The following AXDND1 variants were observed in gnomAD, a reference collection of about 807,000 sequenced individuals.
The protein encoded by AXDND1 is axonemal dynein light chain domain-containing protein 1.
In AXDND1, 110 loss-of-function variants were observed where a neutral mutation model predicts 137.5. That is an observed-to-expected ratio of 0.80 (90% confidence interval 0.69 to 0.94). The LOEUF (loss-of-function observed/expected upper bound fraction) is 0.94, where lower values mean the gene tolerates loss of function less well. AXDND1 is among the 40% of genes least tolerant of loss of function. The pLI is 0.00. For missense variants in AXDND1, 1,191 were observed against 1,169.8 expected (o/e 1.02, Z -0.26); for synonymous variants, 414 against 399.7 (o/e 1.04, Z -0.43).
intron 17 of AXDND1, among the ~76,000 whole-genome samples, chr1:179,470,749 A>T (rs928601703): frequency 6.6e-6 from 1 of 152,112 alleles, no homozygotes; most frequent in Non-Finnish European, 1.5e-5. Context: ...TTTAATCTAG[A>T]TGCCTTTGAT....
intron 21 of AXDND1, among the ~76,000 whole-genome samples, chr1:179,516,603 A>G (rs184884321): frequency 1.3e-5 from 2 of 152,312 alleles, no homozygotes; most frequent in Admixed American, 1.3e-4. Context: ...GGGAAGGTAT[A>G]GAGCTGAAGT....
At chr1:179,528,284 C>G (rs1384416726) in intron 22 of AXDND1, 43 bp from the exon 23 acceptor site, 4 of 1,432,782 alleles carry the variant, frequency 2.8e-6, no homozygotes, top group Non-Finnish European at 3.9e-6. Context: ...TGCTGGGGTG[C>G]TACACCAGCT....
At chr1:179,400,666 G>A (rs1651842574) in intron 11 of AXDND1, among the ~76,000 whole-genome samples, 1 of 151,042 alleles carries the variant, frequency 6.6e-6, no homozygotes, top group Non-Finnish European at 1.5e-5. Flanking sequence ...CACTCTGGGA[G>A]GCCAAGGTGG....
intron 3 of AXDND1, 76 bp downstream of exon 3, chr1:179,369,048 G>A: frequency 7.3e-7 from 1 of 1,363,524 alleles, no homozygotes; most frequent in Admixed American, 2.2e-5. Context: ...TATTTATTAT[G>A]CACATATTAT....
rs756018904 is a variant in AXDND1 at position 179,468,563 on chromosome 1, A to G, written c.1919A>G (p.Asn640Ser). Residue 640 changes from asparagine (N) to serine (S), a missense_variant, in exon 17 of 26, where the codon AAT becomes AGT. Asn to Ser is a conservative substitution (Grantham distance 46). Transcript: ENST00000367618. ...TGGCAGGAAATAGATGAAAAAATTA[A>G]TGAAATGAAATCACACTTGGATATA... is the stretch of plus-strand genomic sequence containing the variant. ...EEWQEIDEKI[N>S]EMKSHLDILL... 6.2e-7 allele frequency: 1 copy of G among 1,613,006 alleles called. No individual in the cohort carries two copies. The highest frequency in any genetic ancestry group is 8.5e-7 in the Non-Finnish European group (1 of 1,179,512).
In AXDND1 at chr1:179,534,847, G is replaced by A. The variant is rs758850607; in HGVS notation, c.2916G>A (p.Lys972=). The A allele has an allele frequency of 1.2e-6, 2 of 1,611,150 alleles. No homozygotes were observed. The highest frequency in any genetic ancestry group is 4.5e-5 in the East Asian group (2 of 44,800). The part of the protein sequence containing the change: ...DLEELVMTSR[K]ESKEEKENQD... ...AGGAATTAGTCATGACATCAAGAAAGGAGTCTAAAGAAGAGAAAGAAAATC... is the reference window on the plus strand; with the variant it reads ...AGGAATTAGTCATGACATCAAGAAAAGAGTCTAAAGAAGAGAAAGAAAATC... Residue 972 remains lysine, a synonymous_variant, in exon 25 of 26, where the codon AAG becomes AAA. Transcript: ENST00000367618.
intron 16 of AXDND1, among the ~76,000 whole-genome samples, chr1:179,463,009 CTCTTT>C (rs1364931546): frequency 2.0e-5 from 3 of 151,990 alleles, no homozygotes; most frequent in Non-Finnish European, 4.4e-5. Flanking sequence ...TGATTCTTCT[CTCTTT>C]TCTTTATTAG....
At position 179,430,465 on chromosome 1, in the gene AXDND1, T is replaced by C. The variant is rs1335547832; in HGVS notation, c.1346T>C (p.Leu449Pro). The C allele has an allele frequency of 6.2e-7, 1 of 1,612,974 alleles. No homozygotes were observed. The highest frequency in any genetic ancestry group is 1.3e-5 in the African/African-American group (1 of 74,970). Residue 449 changes from leucine (L) to proline (P), a missense_variant, in exon 14 of 26, where the codon CTT (leucine) becomes CCT (proline). By Grantham distance (98) the Leu-to-Pro change is moderately conservative (BLOSUM62 -3). Transcript: ENST00000367618. ...ILLSNKDTED[L>P]ALLQKLTQKW... ...CATTTTATATAGGACACTGAAGACC[T>C]TGCACTGTTGCAGAAGTTGACACAA... is the stretch of plus-strand genomic sequence containing the variant.
chr1:179,551,807 G>A (rs1230148366), intron 25 of AXDND1: 1 of 284,214 alleles, frequency 3.5e-6, no homozygotes, highest in Admixed American at 4.8e-5. Context: ...CCCCAACTCA[G>A]GGAAAGTGAA....
intron 15 of AXDND1, among the ~76,000 whole-genome samples, chr1:179,440,571 T>A (rs990919482): frequency 6.6e-6 from 1 of 152,212 alleles, no homozygotes. Context: ...GGCTGTGACA[T>A]AAATGGAACA....
intron 4 of AXDND1, among the ~76,000 whole-genome samples, chr1:179,374,665 G>A (rs1202219024): frequency 6.6e-6 from 1 of 152,154 alleles, no homozygotes; most frequent in Non-Finnish European, 1.5e-5. Context: ...ATGAGTTCAT[G>A]TCGTTTGTAG....
intron 11 of AXDND1, among the ~76,000 whole-genome samples, chr1:179,402,477 G>A (rs548446931): frequency 4.9e-4 from 74 of 152,154 alleles, no homozygotes; most frequent in Non-Finnish European, 7.9e-4. Context: ...TATATATTCC[G>A]TTTTCCCTTT....
chr1:179,553,356 A>C (rs1673599132), intron 25 of AXDND1, among the ~76,000 whole-genome samples: 1 of 152,234 alleles, frequency 6.6e-6, no homozygotes, highest in Non-Finnish European at 1.5e-5. Context: ...GAAACAACCT[A>C]AATGTCCATC....
intron 20 of AXDND1, among the ~76,000 whole-genome samples, chr1:179,504,818 G>T (rs536589364): frequency 5.8e-4 from 88 of 152,270 alleles, no homozygotes; most frequent in African/African-American, 2.1e-3. Context: ...AACTGGGGGA[G>T]TCTTATCAGA....
At chr1:179,487,945 A>G (rs1666259519) in intron 18 of AXDND1, among the ~76,000 whole-genome samples, 2 of 137,334 alleles carry the variant, frequency 1.5e-5, no homozygotes, top group South Asian at 4.4e-4. Context: ...GCACTAAACT[A>G]TGATTGTGCC....
intron 17 of AXDND1, among the ~76,000 whole-genome samples, chr1:179,477,820 C>T (rs1295073084): frequency 6.6e-6 from 1 of 152,222 alleles, no homozygotes; most frequent in African/African-American, 2.4e-5. Context: ...AGGCAAGTTT[C>T]TTCCACCTGT....
At chr1:179,511,123 C>T (rs918218658) in intron 21 of AXDND1, among the ~76,000 whole-genome samples, 2 of 151,728 alleles carry the variant, frequency 1.3e-5, no homozygotes, top group African/African-American at 4.8e-5. Flanking sequence ...GCCGAGATCA[C>T]GCCACTGCAT....
At chr1:179,540,403 T>G (rs541702232) in intron 25 of AXDND1, among the ~76,000 whole-genome samples, 23 of 152,220 alleles carry the variant, frequency 1.5e-4, no homozygotes, top group Non-Finnish European at 2.9e-4. Flanking sequence ...TTTTTTGATG[T>G]TGATGCTATT....
chr1:179,449,176 G>A (rs773858003), intron 16 of AXDND1: 54 of 450,560 alleles, frequency 1.2e-4, no homozygotes, highest in Admixed American at 4.5e-4. Flanking sequence ...ATAATCCACC[G>A]CACCTGGCCT....
Sources: allele counts gnomAD v4.1 joint callset (sites outside exome capture counted in the v4.1 genomes callset), GRCh38; gene constraint gnomAD v4.1.1; transcripts MANE v1.5; gene names NCBI Gene and HGNC (gene_info 2026-07-23, HGNC 2026-07-21).